Variants in IGF2BP3 observed in about 807,000 individuals in gnomAD.
IGF2BP3 encodes the protein insulin like growth factor 2 mRNA binding protein 3.
In IGF2BP3, 9 loss-of-function variants were observed where a neutral mutation model predicts 73.8. The observed-to-expected ratio is 0.12, with a 90% CI of 0.07 to 0.21. The LOEUF (loss-of-function observed/expected upper bound fraction) is 0.21, where lower values mean the gene tolerates loss of function less well. Ranked by LOEUF, IGF2BP3 falls within the 10% of genes least tolerant of loss-of-function variation. The pLI, the probability that IGF2BP3 is intolerant of heterozygous loss-of-function variation, is 1.00. For missense variants in IGF2BP3, 542 were observed against 714.0 expected, an observed-to-expected ratio of 0.76 and a Z score of 2.75; for synonymous variants, 258 against 256.7, an observed-to-expected ratio of 1.01 and a Z score of -0.05.
intron 2 of IGF2BP3, among the ~76,000 whole-genome samples, chr7:23,436,638 T>C (rs1157762065): frequency 1.3e-5 from 2 of 152,214 alleles, no homozygotes; most frequent in Non-Finnish European, 2.9e-5. Context: ...CATGACTATC[T>C]GGTAGTAAAG....
At chr7:23,384,124 AG>A (rs1786006755) in intron 3 of IGF2BP3, among the ~76,000 whole-genome samples, 1 of 151,678 alleles carries the variant, frequency 6.6e-6, no homozygotes, top group African/African-American at 2.4e-5. Flanking sequence ...AAAGAATAAA[AG>A]TCTGGATACA....
intron 2 of IGF2BP3, among the ~76,000 whole-genome samples, chr7:23,427,683 C>T (rs926231138): frequency 6.6e-6 from 1 of 151,804 alleles, no homozygotes; most frequent in Admixed American, 6.6e-5. Flanking sequence ...AACAGCCTGG[C>T]CAACATGGTG....
At chr7:23,437,606 T>G (rs1365150542) in intron 2 of IGF2BP3, among the ~76,000 whole-genome samples, 1 of 152,176 alleles carries the variant, frequency 6.6e-6, no homozygotes, top group Non-Finnish European at 1.5e-5. Context: ...CCAATTCTGA[T>G]AGAAGCAAAA....
chr7:23,422,323 A>C (rs567369078), intron 2 of IGF2BP3, among the ~76,000 whole-genome samples: 2 of 152,224 alleles, frequency 1.3e-5, no homozygotes, highest in South Asian at 4.1e-4. Context: ...AGAGTAATCC[A>C]GGCAATACAC....
chr7:23,395,005 G>C (rs1786403904), intron 3 of IGF2BP3, among the ~76,000 whole-genome samples: 3 of 152,268 alleles, frequency 2.0e-5, no homozygotes, highest in African/African-American at 7.2e-5. Context: ...GAAGAACATG[G>C]AGTAATGATG....
intron 3 of IGF2BP3, among the ~76,000 whole-genome samples, chr7:23,391,029 C>A (rs967009146): frequency 6.6e-5 from 10 of 151,256 alleles, no homozygotes; most frequent in African/African-American, 2.4e-4. Flanking sequence ...GAACCCTTGG[C>A]CTCAAGTGAT....
chr7:23,435,616 C>A (rs910266415), intron 2 of IGF2BP3, among the ~76,000 whole-genome samples: 8 of 151,904 alleles, frequency 5.3e-5, no homozygotes, highest in Non-Finnish European at 7.4e-5. Flanking sequence ...CCACCACGCC[C>A]GGCTAATTTT....
At chr7:23,409,538 G>A (rs949926922) in intron 3 of IGF2BP3, among the ~76,000 whole-genome samples, 2 of 152,114 alleles carry the variant, frequency 1.3e-5, no homozygotes, top group African/African-American at 4.8e-5. Context: ...GTAGCAAAGG[G>A]ACAGACACAT....
rs12540144 is a variant in IGF2BP3 at position 23,457,620 on chromosome 7, T to C, written c.236+10862A>G. ...GTTACAAAAGAGAACTATTTGTACC[T>C]ACATTGAAGATTCTTCAGGATACAT... On this transcript the variant is annotated intron_variant, in intron 2 of 14. Coordinates refer to ENST00000258729, the MANE Select transcript of IGF2BP3 (RefSeq NM_006547.3). 3.3e-5 allele frequency among the ~76,000 whole-genome samples: 5 copies of C among 152,280 alleles called. No individual in the cohort carries two copies. The East Asian group carries it at 9.6e-4, about 29-fold the overall frequency.
At chr7:23,436,315 G>A (rs1330497350) in intron 2 of IGF2BP3, among the ~76,000 whole-genome samples, 1 of 152,178 alleles carries the variant, frequency 6.6e-6, no homozygotes, top group Non-Finnish European at 1.5e-5. Context: ...ACATGCTGAA[G>A]AATTAGGAAT....
intron 2 of IGF2BP3, among the ~76,000 whole-genome samples, chr7:23,463,937 C>A (rs1788506120): frequency 2.0e-5 from 3 of 152,170 alleles, no homozygotes; most frequent in Admixed American, 2.0e-4. Context: ...AATTATTTAA[C>A]CAGCCAAGAA....
At chr7:23,421,752 T>C (rs115150505) in intron 2 of IGF2BP3, among the ~76,000 whole-genome samples, 2,358 of 151,834 alleles carry the variant, frequency 0.016, 75 homozygotes, top group African/African-American at 0.055. Flanking sequence ...TATGATTTAC[T>C]ACATATATGC....
intron 12 of IGF2BP3, among the ~76,000 whole-genome samples, chr7:23,317,195 G>A (rs1027261140): frequency 3.0e-4 from 46 of 152,164 alleles, no homozygotes; most frequent in African/African-American, 1.1e-3. Flanking sequence ...CTATCTCTAA[G>A]ATCCCAGGGA....
chr7:23,429,883 G>C (rs1787623080), intron 2 of IGF2BP3, among the ~76,000 whole-genome samples: 1 of 152,134 alleles, frequency 6.6e-6, no homozygotes, highest in South Asian at 2.1e-4. Flanking sequence ...CAAATTACCT[G>C]TAAGTCCTGG....
Position 23,429,654 on chromosome 7 carries a change from T to C in IGF2BP3, c.237-10830A>G, listed in dbSNP as rs577064680. On this transcript the variant is annotated intron_variant, in intron 2 of 14. Coordinates refer to ENST00000258729, the MANE Select transcript of IGF2BP3 (RefSeq NM_006547.3). ...GCTTTAAACCACAATAACTTACATATGGCGACTCAATATTGAAATTAAGTG... is the reference window on the plus strand; with the variant it reads ...GCTTTAAACCACAATAACTTACATACGGCGACTCAATATTGAAATTAAGTG... 2.5e-4 allele frequency among the ~76,000 whole-genome samples: 38 copies of C among 152,288 alleles called. No individual in the cohort carries two copies. The South Asian group carries it at 5.0e-3, about 20-fold the overall frequency.
chr7:23,322,785 G>T (rs1441691078), intron 10 of IGF2BP3, among the ~76,000 whole-genome samples: 2 of 152,114 alleles, frequency 1.3e-5, no homozygotes, highest in Non-Finnish European at 2.9e-5. Flanking sequence ...TTAAAGAAAA[G>T]AATTTTCAAC....
At chr7:23,412,229 T>C (rs1008494879) in intron 3 of IGF2BP3, among the ~76,000 whole-genome samples, 4 of 152,122 alleles carry the variant, frequency 2.6e-5, no homozygotes, top group African/African-American at 9.7e-5. Context: ...GTGATTTGCC[T>C]GCCTCAGCCT....
At chr7:23,428,451 G>A (rs976018367) in intron 2 of IGF2BP3, among the ~76,000 whole-genome samples, 2 of 151,574 alleles carry the variant, frequency 1.3e-5, no homozygotes, top group Non-Finnish European at 2.9e-5. Context: ...CAGCCTGGGC[G>A]ACAGAGAGAG....
At chr7:23,346,432 A>G (rs1219746392) in intron 7 of IGF2BP3, among the ~76,000 whole-genome samples, 2 of 152,208 alleles carry the variant, frequency 1.3e-5, no homozygotes, top group African/African-American at 4.8e-5. Flanking sequence ...TTATAGAAGG[A>G]AACAGAAGAA....
Sources: gnomAD v4.1 joint callset for allele counts (sites outside exome capture counted in the v4.1 genomes callset) on GRCh38, gnomAD v4.1.1 for gene constraint, MANE v1.5 for transcripts, NCBI Gene and HGNC (gene_info 2026-07-23, HGNC 2026-07-21) for gene names.